The following AMPH variants were observed in gnomAD, a reference collection of about 807,000 sequenced individuals.
The protein encoded by AMPH is amphiphysin, also known as amphiphysin (Stiff-Mann syndrome with breast cancer 128kD autoantigen).
AMPH carries 49 observed loss-of-function variants against 99.1 expected under a neutral mutation model. That is an observed-to-expected ratio of 0.49 (90% CI 0.39 to 0.63). The LOEUF (loss-of-function observed/expected upper bound fraction) is 0.63. Among genes scored for constraint, AMPH ranks in the 20% least tolerant of loss-of-function variants. The pLI, the probability that AMPH is intolerant of heterozygous loss-of-function variation, is 0.00. For missense variants in AMPH, 759 were observed against 863.4 expected (o/e 0.88, Z 1.52); for synonymous variants, 314 against 317.3 (o/e 0.99, Z 0.11).
chr7:38,525,000 C>T (rs1383125378), intron 2 of AMPH, among the ~76,000 whole-genome samples: 2 of 151,812 alleles, frequency 1.3e-5, no homozygotes, highest in African/African-American at 4.8e-5. Flanking sequence ...GTGGCTTCTG[C>T]CTTCAAGTGT....
chr7:38,472,189 T>C (rs1163589544), intron 7 of AMPH, among the ~76,000 whole-genome samples: 4 of 152,176 alleles, frequency 2.6e-5, no homozygotes, highest in African/African-American at 9.6e-5. Context: ...ACATGTAATA[T>C]GTTTATTACT....
intron 2 of AMPH, among the ~76,000 whole-genome samples, chr7:38,532,364 T>C (rs1393526183): frequency 6.6e-6 from 1 of 152,104 alleles, no homozygotes; most frequent in Non-Finnish European, 1.5e-5. Context: ...CCAAATGGGG[T>C]CAAGAGACTC....
At chr7:38,540,716 A>AG (rs1238161920) in intron 1 of AMPH, among the ~76,000 whole-genome samples, 5 of 146,490 alleles carry the variant, frequency 3.4e-5, no homozygotes, top group African/African-American at 1.3e-4. Context: ...AAAAAAAAAA[A>AG]AAAAGCTAGT....
chr7:38,445,560 C>T (rs772190778), intron 11 of AMPH, among the ~76,000 whole-genome samples: 13 of 152,074 alleles, frequency 8.5e-5, no homozygotes, highest in Non-Finnish European at 1.8e-4. Context: ...GGTCCCAAAA[C>T]TCAGTTAAAA....
intron 11 of AMPH, among the ~76,000 whole-genome samples, chr7:38,458,762 T>C (rs576461729): frequency 1.3e-5 from 2 of 152,258 alleles, no homozygotes; most frequent in Admixed American, 1.3e-4. Flanking sequence ...TCATAGTGAA[T>C]GGGAGAAAAG....
At chr7:38,610,328 AAAGAAAAAAGAAAAGAAAAG>A (rs1793613902) in intron 1 of AMPH, among the ~76,000 whole-genome samples, 1 of 41,306 alleles carries the variant, frequency 2.4e-5, no homozygotes, top group East Asian at 2.6e-4. Context: ...AAAGAAAAGA[AAAGAAAAAAGAAAAGAAAAG>A]AAAAGAAAAG....
At chr7:38,582,010 G>A (rs557901057) in intron 1 of AMPH, among the ~76,000 whole-genome samples, 15 of 152,132 alleles carry the variant, frequency 9.9e-5, no homozygotes, top group African/African-American at 3.6e-4. Flanking sequence ...CTCAAGTTCA[G>A]AAGAGAGGCT....
chr7:38,566,998 A>T (rs1239834674), intron 1 of AMPH, among the ~76,000 whole-genome samples: 1 of 152,236 alleles, frequency 6.6e-6, no homozygotes, highest in Non-Finnish European at 1.5e-5. Flanking sequence ...TCAAGGATCT[A>T]GAACTAGAAA....
chr7:38,427,357 A>G (rs893257129), intron 14 of AMPH, among the ~76,000 whole-genome samples: 1 of 152,218 alleles, frequency 6.6e-6, no homozygotes, highest in Admixed American at 6.5e-5. Flanking sequence ...TCTACAATGC[A>G]TCATTTTGAT....
chr7:38,432,271 CT>C (rs1786060668), intron 12 of AMPH, 59 bp from the exon 13 acceptor site: 1 of 1,476,742 alleles, frequency 6.8e-7, no homozygotes, highest in African/African-American at 1.4e-5. Flanking sequence ...TAAAAAAATG[CT>C]GAGGTGACAA....
chr7:38,396,183 C>A lies in AMPH; in HGVS notation c.1399-1969G>T, dbSNP rs6462835. Among the ~76,000 whole-genome samples, 603 of 152,032 alleles carry A rather than the reference C, an allele frequency of 4.0e-3. 8 individuals are homozygous for A. Among genetic ancestry groups the A allele is most frequent in the African/African-American group, 0.014 (577 of 41,514 alleles). Reference sequence around the variant, plus strand: ...GACATGGTTTGGCTCTGTGTCCCCACCCAAATCTCATCTTGTAGGTCCCAT... The same window carrying A: ...GACATGGTTTGGCTCTGTGTCCCCAACCAAATCTCATCTTGTAGGTCCCAT... On this transcript the variant is annotated intron_variant, in intron 17 of 20. Transcript: ENST00000356264.
At chr7:38,406,876 A>C (rs1785025668) in intron 17 of AMPH, among the ~76,000 whole-genome samples, 1 of 149,318 alleles carries the variant, frequency 6.7e-6, no homozygotes, top group Non-Finnish European at 1.5e-5. Context: ...GGCATCACAC[A>C]GAGCTTCATT....
At chr7:38,624,673 T>A (rs1412595578) in intron 1 of AMPH, among the ~76,000 whole-genome samples, 11 of 135,770 alleles carry the variant, frequency 8.1e-5, no homozygotes, top group Admixed American at 7.3e-4. Context: ...GGCAAAAAAA[T>A]AAATAAATAA....
At chr7:38,484,284 T>G (rs1383216134) in intron 5 of AMPH, among the ~76,000 whole-genome samples, 2 of 151,894 alleles carry the variant, frequency 1.3e-5, no homozygotes, top group Non-Finnish European at 2.9e-5. Context: ...CCAAATAAAA[T>G]GAACCCCTAA....
At chr7:38,547,349 C>T (rs1395991898) in intron 1 of AMPH, among the ~76,000 whole-genome samples, 1 of 152,200 alleles carries the variant, frequency 6.6e-6, no homozygotes, top group African/African-American at 2.4e-5. Context: ...ATCCAACACA[C>T]TCCTAAAAAA....
chr7:38,554,448 A>G (rs1356922483), intron 1 of AMPH, among the ~76,000 whole-genome samples: 1 of 152,228 alleles, frequency 6.6e-6, no homozygotes, highest in Non-Finnish European at 1.5e-5. Context: ...TAAAATGTCT[A>G]TACTTATTGA....
At chr7:38,541,017 TAAAAAAAAAAAAA>T (rs60200785) in intron 1 of AMPH, among the ~76,000 whole-genome samples, 6 of 97,700 alleles carry the variant, frequency 6.1e-5, no homozygotes, top group African/African-American at 7.5e-5. Context: ...TTTCTGTTCT[TAAAAAAAAAAAAA>T]AAAAAAAAAA....
chr7:38,600,630 A>G (rs114188275), intron 1 of AMPH, among the ~76,000 whole-genome samples: 159 of 152,340 alleles, frequency 1.0e-3, no homozygotes, highest in African/African-American at 3.6e-3. Flanking sequence ...CCTAGAAAGT[A>G]TGGTAATTTT....
intron 11 of AMPH, among the ~76,000 whole-genome samples, chr7:38,440,676 T>C (rs1205071534): frequency 6.6e-6 from 1 of 152,302 alleles, no homozygotes; most frequent in South Asian, 2.1e-4. Flanking sequence ...TAGATTTTTA[T>C]ACTGTACCTT....
Sources: gnomAD v4.1 joint callset for allele counts (sites outside exome capture counted in the v4.1 genomes callset) on GRCh38, gnomAD v4.1.1 for gene constraint, MANE v1.5 for transcripts, NCBI Gene and HGNC (gene_info 2026-07-23, HGNC 2026-07-21) for gene names.